ATP6V0A2: variants seen among roughly 807,000 people sequenced by gnomAD.
The protein encoded by ATP6V0A2 is ATPase H+ transporting V0 subunit a2, also known as V-type proton ATPase 116 kDa subunit a 2.
Under a neutral mutation model 104.4 loss-of-function variants are expected in ATP6V0A2, and 58 were observed. The ratio of observed to expected loss-of-function variants is 0.56; its 90% CI spans 0.45 to 0.69. The LOEUF is 0.69. Ranked by LOEUF, ATP6V0A2 falls within the 30% of genes least tolerant of loss-of-function variation. The probability of loss-of-function intolerance (pLI) is 0.00; values close to 1 mark genes in which losing one functional copy is unlikely to be tolerated. For missense variants in ATP6V0A2, 938 were observed against 1,062.9 expected (o/e 0.88, Z 1.63); for synonymous variants, 376 against 397.9 (o/e 0.95, Z 0.65).
chr12:123,748,817 C>T (rs371107630), intron 15 of ATP6V0A2, 32 bp downstream of exon 15: 97 of 1,567,848 alleles, frequency 6.2e-5, no homozygotes, highest in African/African-American at 1.1e-4. Context: ...ATGAACTTAA[C>T]GGAAGTATTC....
chr12:123,761,739 A>G lies in ATP6V0A2; in HGVS notation c.*3707A>G, dbSNP rs1203316393. ...TTCCTTTTGCTAATGACAAATAAATATATCTATATTTTTAAACGTGGGTGT... is the reference window on the plus strand; with the variant it reads ...TTCCTTTTGCTAATGACAAATAAATGTATCTATATTTTTAAACGTGGGTGT... On this transcript the variant is annotated 3_prime_UTR_variant, in exon 20 of 20. Transcript: ENST00000330342. 6.6e-6 allele frequency: 1 copy of G among 152,130 alleles called. No homozygotes were observed. Among genetic ancestry groups the G allele is most frequent in the Non-Finnish European group, 1.5e-5 (1 of 68,028 alleles). 9.4% of individuals were successfully genotyped at this position (152,130 alleles called of 1,614,324 possible). A position where few individuals can be genotyped will look rare whatever the true frequency, so the allele number is the denominator to read the frequency against.
At chr12:123,724,483 C>A (rs1488837245) in intron 3 of ATP6V0A2, 171 bp from the exon 4 acceptor site, 16 of 565,794 alleles carry the variant, frequency 2.8e-5, no homozygotes, top group Non-Finnish European at 5.0e-5. Context: ...GAGCCGAGAT[C>A]ATGCCACTGC....
At position 123,744,737 on chromosome 12, in the gene ATP6V0A2, C is replaced by T. The variant is rs1448576163; in HGVS notation, c.1467C>T (p.Tyr489=). 1.2e-6 allele frequency: 2 copies of T among 1,614,176 alleles called. No individual in the cohort carries two copies. Among genetic ancestry groups the T allele is most frequent in the Non-Finnish European group, 8.5e-7 (1 of 1,180,032 alleles). Residue 489 remains tyrosine (Y), a synonymous_variant, in exon 12 of 20, where the codon TAC becomes TAT. Transcript: ENST00000330342. This position sits in a 1 kb window ranked among gnomAD's most constrained non-coding sequence, Gnocchi z 5.4. ...CTGGGTGGAACGTGTCGGCCATGTACAGCTCCAGCCACCCACCCGCAGAGC... is the reference window on the plus strand; with the variant it reads ...CTGGGTGGAACGTGTCGGCCATGTATAGCTCCAGCCACCCACCCGCAGAGC... ...FGSGWNVSAM[Y]SSSHPPAEHK...
intron 18 of ATP6V0A2, among the ~76,000 whole-genome samples, chr12:123,755,272 C>G (rs1380659930): frequency 6.6e-6 from 1 of 152,146 alleles, no homozygotes; most frequent in Non-Finnish European, 1.5e-5. Flanking sequence ...CACAGTGGCT[C>G]ACACCTGTAA....
At chr12:123,755,549 A>AT (rs1356493668) in intron 18 of ATP6V0A2, among the ~76,000 whole-genome samples, 1 of 147,242 alleles carries the variant, frequency 6.8e-6, no homozygotes, top group Non-Finnish European at 1.5e-5. Flanking sequence ...AAAAAAAAAA[A>AT]GCTAAAAAAA....
At chr12:123,737,359 C>A in intron 9 of ATP6V0A2, 88 bp downstream of exon 9, 1 of 1,284,356 alleles carries the variant, frequency 7.8e-7, no homozygotes, top group Non-Finnish European at 1.1e-6. Context: ...GTGAGAATTT[C>A]ATAGAGTAAT....
chr12:123,712,739 G>T, intron 1 of ATP6V0A2, 57 bp downstream of exon 1: 1 of 1,427,120 alleles, frequency 7.0e-7, no homozygotes, highest in Non-Finnish European at 9.8e-7. Context: ...CCCCAATCCC[G>T]CGCATCGCTG....
In ATP6V0A2 at chr12:123,744,176, A is replaced by T. The variant is rs765204390; in HGVS notation, c.1190-25A>T. 1.1e-5 allele frequency: 17 copies of T among 1,614,068 alleles called. No homozygotes were observed. The East Asian group carries it at 3.8e-4, about 36-fold the overall frequency. ...GTTTTCCATATTTGCTGTGAATCAG[A>T]AATCTCTTTCCCTTTTTTCTGCAGC... On this transcript the variant is annotated intron_variant, in intron 10 of 19. Transcript: ENST00000330342. This position sits in a 1 kb window ranked among gnomAD's most constrained non-coding sequence, Gnocchi z 5.4.
intron 19 of ATP6V0A2, 77 bp downstream of exon 19, chr12:123,757,063 T>C (rs1175388795): frequency 1.5e-5 from 22 of 1,475,780 alleles, no homozygotes; most frequent in Admixed American, 5.3e-5. Context: ...CAACCAAATA[T>C]ACACAGCCCC....
At chr12:123,733,770 C>T in intron 6 of ATP6V0A2, 156 bp from the exon 7 acceptor site, 2 of 666,332 alleles carry the variant, frequency 3.0e-6, no homozygotes, top group South Asian at 1.7e-5. Context: ...GCTGTTACTA[C>T]AAGTAGGTGA....
intron 3 of ATP6V0A2, among the ~76,000 whole-genome samples, chr12:123,722,841 T>G (rs10734905): frequency 0.66 from 100,668 of 151,538 alleles, 33,779 homozygotes; most frequent in East Asian, 0.95. Context: ...GGCTTCGGTG[T>G]TGTGCCTTCA....
Position 123,743,823 on chromosome 12 carries a change from A to C in ATP6V0A2, c.1077A>C (p.Ile359=). 1.2e-6 allele frequency: 2 copies of C among 1,614,132 alleles called. No homozygotes were observed. Among genetic ancestry groups the C allele is most frequent in the Non-Finnish European group, 1.7e-6 (2 of 1,179,996 alleles). ...CTACAATCCCCTCATTCATGAATAT[A>C]ATCCCCACAAAAGAAACACCCCCCA... ...SGATIPSFMN[I]IPTKETPPTR... is the part of the protein sequence containing the mutation. Residue 359 remains isoleucine, a synonymous_variant, in exon 10 of 20, where the codon ATA becomes ATC. Coordinates refer to ENST00000330342, the MANE Select transcript of ATP6V0A2 (RefSeq NM_012463.4).
chr12:123,712,711 C>T, intron 1 of ATP6V0A2, 29 bp downstream of exon 1: 1 of 1,573,166 alleles, frequency 6.4e-7, no homozygotes, highest in Non-Finnish European at 8.7e-7. Context: ...ACGCGGGCCG[C>T]ACCTGCTCTC....
intron 1 of ATP6V0A2, 125 bp downstream of exon 1, chr12:123,712,807 G>T: frequency 1.1e-6 from 1 of 869,634 alleles, no homozygotes; most frequent in Non-Finnish European, 1.8e-6. Context: ...TGTCCAGACG[G>T]GGAAGATGAC....
At chr12:123,726,618 G>A (rs575466119) in intron 5 of ATP6V0A2, among the ~76,000 whole-genome samples, 3 of 152,300 alleles carry the variant, frequency 2.0e-5, no homozygotes, top group East Asian at 3.9e-4. Flanking sequence ...TGGCTAAACC[G>A]AGTTGGTTAG....
At chr12:123,714,744 A>G (rs1032253482) in intron 1 of ATP6V0A2, among the ~76,000 whole-genome samples, 1 of 151,816 alleles carries the variant, frequency 6.6e-6, no homozygotes, top group Non-Finnish European at 1.5e-5. Context: ...CCTAAAAGGG[A>G]AAAAAAACCC....
chr12:123,716,799 A>G (rs1440153190), intron 1 of ATP6V0A2, among the ~76,000 whole-genome samples: 2 of 152,100 alleles, frequency 1.3e-5, no homozygotes, highest in African/African-American at 4.8e-5. Flanking sequence ...AAAAAAAAAA[A>G]AAAAGAGTTT....
intron 14 of ATP6V0A2, 36 bp from the exon 15 acceptor site, chr12:123,748,539 T>C: frequency 6.7e-7 from 1 of 1,493,484 alleles, no homozygotes. Flanking sequence ...TAGGCTGATC[T>C]TGTTCGTGGG....
chr12:123,725,056 C>T (rs1189331157), intron 4 of ATP6V0A2, among the ~76,000 whole-genome samples: 1 of 152,118 alleles, frequency 6.6e-6, no homozygotes, highest in African/African-American at 2.4e-5. Flanking sequence ...CTGCCTCAGC[C>T]TCTCGAATAG....
Sources: gnomAD v4.1 joint callset for allele counts (sites outside exome capture counted in the v4.1 genomes callset) on GRCh38, gnomAD v4.1.1 for gene constraint, Gnocchi (gnomAD v3.1) non-coding constraint, MANE v1.5 for transcripts, NCBI Gene and HGNC (gene_info 2026-07-23, HGNC 2026-07-21) for gene names.